ST6GALNAC6: variants seen among roughly 807,000 people sequenced by gnomAD.
The protein encoded by ST6GALNAC6 is ST6 N-acetylgalactosaminide alpha-2,6-sialyltransferase 6.
A neutral mutation model predicts 34.3 loss-of-function variants in ST6GALNAC6; 19 were observed. The ratio of observed to expected loss-of-function variants is 0.55; its 90% CI spans 0.39 to 0.81. The LOEUF is 0.81. ST6GALNAC6 is among the 40% of genes least tolerant of loss of function. ST6GALNAC6 has a pLI of 0.00. For synonymous variants in ST6GALNAC6, 185 were observed against 182.1 expected (o/e 1.02, Z -0.13); for missense variants, 377 against 467.7 (o/e 0.81, Z 1.79).
chr9:127,897,608 T>C (rs976993612), intron 2 of ST6GALNAC6, among the ~76,000 whole-genome samples: 1 of 152,006 alleles, frequency 6.6e-6, no homozygotes, highest in Non-Finnish European at 1.5e-5. Context: ...GGCCCTGCGG[T>C]ACAGAGCAGA....
At chr9:127,889,451 T>C (rs1425616381) in intron 5 of ST6GALNAC6, among the ~76,000 whole-genome samples, 1 of 151,720 alleles carries the variant, frequency 6.6e-6, no homozygotes, top group Non-Finnish European at 1.5e-5. Flanking sequence ...TTTCTTTTTT[T>C]TTTTTTTCTT....
At position 127,894,621 on chromosome 9, in the gene ST6GALNAC6, C is replaced by T; in HGVS notation, c.188G>A (p.Ser63Asn). The T allele has an allele frequency of 1.2e-6, 2 of 1,614,200 alleles. No homozygotes were observed. Among genetic ancestry groups the T allele is most frequent in the Non-Finnish European group, 1.7e-6 (2 of 1,180,038 alleles). ...GCCGTAATGGAAGACCTCATTGGCA[C>T]TGTTGGAGCTGTAGAGGATGAGGAT... ...ITILILYSSN[S>N]ANEVFHYGSL... Residue 63 changes from serine to asparagine, a missense_variant, in exon 4 of 7, where the codon AGT (serine) becomes AAT (asparagine). Coordinates refer to ENST00000373146, the MANE Select transcript of ST6GALNAC6 (RefSeq NM_013443.5).
intron 2 of ST6GALNAC6, chr9:127,897,492 C>T (rs990086806): frequency 2.1e-6 from 2 of 956,864 alleles, no homozygotes; most frequent in African/African-American, 3.5e-5. Context: ...TCTCCAACCC[C>T]GCCCCCTCCC....
intron 3 of ST6GALNAC6, 28 bp downstream of exon 3, chr9:127,896,214 T>C (rs770148027): frequency 1.9e-6 from 3 of 1,612,592 alleles, no homozygotes; most frequent in Non-Finnish European, 2.5e-6. Flanking sequence ...AGAGGCTCAA[T>C]GGGGTTAAGA....
At position 127,896,247 on chromosome 9, in the gene ST6GALNAC6, T is replaced by C. The variant is rs1830445740; in HGVS notation, c.112A>G (p.Asn38Asp). Reference sequence around the variant, plus strand: ...AGAAATGAAGGCAGACTTACTTTGTTGCTACTCATTTCTCTCCGGCGTCTG... The same window carrying C: ...AGAAATGAAGGCAGACTTACTTTGTCGCTACTCATTTCTCTCCGGCGTCTG... Reference protein sequence around the residue: ...LSRRRREMSSNKEQRSAVFVI... With the variant: ...LSRRRREMSSDKEQRSAVFVI... Residue 38 changes from asparagine (N) to aspartate (D), a missense_variant, in exon 3 of 7, where the codon AAC becomes GAC. By Grantham distance (23) the Asn-to-Asp change is conservative. Transcript: ENST00000373146. 1.2e-6 allele frequency: 2 copies of C among 1,614,048 alleles called. No homozygotes were observed. Among genetic ancestry groups the C allele is most frequent in the African/African-American group, 2.7e-5 (2 of 74,932 alleles).
In ST6GALNAC6 at chr9:127,890,852, G is replaced by A. The variant is rs2281898; in HGVS notation, c.489C>T (p.Arg163=). The change falls in exon 5 of 7, where the codon CGC becomes CGT. Residue 163 remains arginine (R), a synonymous_variant. Transcript: ENST00000373146. The surrounding 1 kb of genome is among the most constrained non-coding windows in gnomAD (Gnocchi z 4.3). ...YRVVAHSSVF[R]VLRRPQEFVN... is the part of the protein sequence containing the mutation. ...CAAACTCCTGGGGCCTCCTCAGCAC[G>A]CGGAACACACTGGAATGGGCCACGA... 3,883 of 1,614,144 alleles carry A rather than the reference G, an allele frequency of 2.4e-3. 104 individuals carry two copies. In the East Asian group the frequency reaches 0.066, roughly 28 times the overall value.
chr9:127,886,902 G>C, intron 6 of ST6GALNAC6, 114 bp from the exon 7 acceptor site: 3 of 1,086,608 alleles, frequency 2.8e-6, no homozygotes, highest in Non-Finnish European at 3.8e-6. Flanking sequence ...CATGCCTCCT[G>C]GGGCCTCGGT....
At chr9:127,891,323 T>C (rs1308934282) in intron 4 of ST6GALNAC6, among the ~76,000 whole-genome samples, 2 of 151,344 alleles carry the variant, frequency 1.3e-5, no homozygotes, top group East Asian at 1.9e-4. Flanking sequence ...AAAAAGAAAA[T>C]AGTGGCAAAT....
At chr9:127,899,615 G>GGCCC (rs1830676642), upstream of ST6GALNAC6, 1 of 982,296 alleles carries the variant, frequency 1.0e-6, no homozygotes, top group African/African-American at 1.8e-5. Flanking sequence ...CCGCACCCGC[G>GGCCC]GCCCGCCGGG....
At chr9:127,899,134 G>C (rs555831828) in intron 1 of ST6GALNAC6, 1 of 152,254 alleles carries the variant, frequency 6.6e-6, no homozygotes, top group Non-Finnish European at 1.5e-5. Flanking sequence ...AAGACGATGC[G>C]GGACGCTGAG....
chr9:127,896,756 G>C, intron 2 of ST6GALNAC6: 1 of 622,990 alleles, frequency 1.6e-6, no homozygotes, highest in South Asian at 7.1e-5. Flanking sequence ...GGTTGGCCTG[G>C]AACGCCCTCC....
At chr9:127,901,518 G>A (rs1263061691), upstream of ST6GALNAC6, among the ~76,000 whole-genome samples, 1 of 152,200 alleles carries the variant, frequency 6.6e-6, no homozygotes, top group Admixed American at 6.5e-5. Flanking sequence ...TAAGGCAGGA[G>A]AATCGCTTGA....
intron 2 of ST6GALNAC6, among the ~76,000 whole-genome samples, chr9:127,896,716 C>T (rs1000812869): frequency 9.9e-5 from 15 of 152,152 alleles, no homozygotes. Flanking sequence ...CTTGTAGGCC[C>T]CCGAACTCCT....
chr9:127,886,444 C>T lies in ST6GALNAC6; in HGVS notation c.*155G>A, dbSNP rs1194263757. 1.4e-6 allele frequency: 2 copies of T among 1,445,658 alleles called. No individual in the cohort carries two copies. Among genetic ancestry groups the T allele is most frequent in the Admixed American group, 2.8e-5 (1 of 35,474 alleles). The allele number at this position is 1,445,658 out of a possible 1,614,324, so 89.6% of individuals were successfully genotyped here. ...CTGATTCGCCAACAGATTCCCCAGG[C>T]CCTGATTGGCTGGAGGATACATCCT... On this transcript the variant is annotated 3_prime_UTR_variant, in exon 7 of 7. Coordinates refer to ENST00000373146, the MANE Select transcript of ST6GALNAC6 (RefSeq NM_013443.5).
chr9:127,902,446 C>A (rs1830791154), upstream of ST6GALNAC6, among the ~76,000 whole-genome samples: 1 of 148,006 alleles, frequency 6.8e-6, no homozygotes, highest in South Asian at 2.1e-4. Flanking sequence ...AGGTGTGAGG[C>A]ACTGTGCCTG....
chr9:127,900,160 G>A (rs540925536), upstream of ST6GALNAC6, among the ~76,000 whole-genome samples: 1 of 152,348 alleles, frequency 6.6e-6, no homozygotes, highest in East Asian at 1.9e-4. Context: ...GGGCATCCAT[G>A]ACATCACTCT....
chr9:127,888,685 G>A (rs1829946522), intron 5 of ST6GALNAC6, among the ~76,000 whole-genome samples: 1 of 151,450 alleles, frequency 6.6e-6, no homozygotes, highest in Non-Finnish European at 1.5e-5. Context: ...ACGTGCCTGT[G>A]ATTCCAGCTG....
At chr9:127,901,654 G>A (rs949209293), upstream of ST6GALNAC6, among the ~76,000 whole-genome samples, 15 of 148,646 alleles carry the variant, frequency 1.0e-4, no homozygotes, top group South Asian at 4.3e-4. Flanking sequence ...AAAATAGACC[G>A]GGTGCGGTGG....
At chr9:127,906,573 T>C (rs2131611841), upstream of ST6GALNAC6, among the ~76,000 whole-genome samples, 1 of 152,280 alleles carries the variant, frequency 6.6e-6, no homozygotes. Context: ...TGGCCTCAGC[T>C]CATCTGTAAA....
Sources: gnomAD v4.1 joint callset for allele counts (sites outside exome capture counted in the v4.1 genomes callset) on GRCh38, gnomAD v4.1.1 for gene constraint, Gnocchi (gnomAD v3.1) non-coding constraint, MANE v1.5 for transcripts, NCBI Gene and HGNC (gene_info 2026-07-23, HGNC 2026-07-21) for gene names.